Variants in PPP2R2B observed in about 807,000 individuals in gnomAD.
PPP2R2B encodes protein phosphatase 2 regulatory subunit Bbeta, also known as serine/threonine-protein phosphatase 2A 55 kDa regulatory subunit B beta isoform.
Under a neutral mutation model 46.0 loss-of-function variants are expected in PPP2R2B, and 5 were observed. That is an observed-to-expected ratio of 0.11 (90% confidence interval 0.06 to 0.23). PPP2R2B has a LOEUF of 0.23. Among genes scored for constraint, PPP2R2B ranks in the 10% least tolerant of loss-of-function variants. The pLI is 1.00. For synonymous variants in PPP2R2B, 215 were observed against 206.7 expected, an observed-to-expected ratio of 1.04 and a Z score of -0.34; for missense variants, 367 against 575.0, an observed-to-expected ratio of 0.64 and a Z score of 3.70.
chr5:146,773,184 G>C (rs1267388362), intron 2 of PPP2R2B, among the ~76,000 whole-genome samples: 1 of 152,212 alleles, frequency 6.6e-6, no homozygotes, highest in African/African-American at 2.4e-5. Context: ...TTTTAAATCA[G>C]CGTAAGGGAT....
At chr5:147,049,375 G>C (rs960630527) in intron 1 of PPP2R2B, among the ~76,000 whole-genome samples, 2 of 152,022 alleles carry the variant, frequency 1.3e-5, no homozygotes, top group African/African-American at 4.8e-5. Context: ...CACAAACAGG[G>C]CTTTTTTTTT....
At chr5:146,724,613 A>T (rs915288383) in intron 2 of PPP2R2B, among the ~76,000 whole-genome samples, 8 of 152,320 alleles carry the variant, frequency 5.3e-5, no homozygotes, top group African/African-American at 1.7e-4. Flanking sequence ...AGATATATAC[A>T]TGTGCACACA....
intron 4 of PPP2R2B, 41 bp downstream of exon 4, chr5:146,697,938 C>T (rs377653286): frequency 5.1e-5 from 80 of 1,567,972 alleles, no homozygotes; most frequent in African/African-American, 9.6e-5. Context: ...ATAGTTTGGC[C>T]GACTGTATCT....
At chr5:146,855,178 A>AG (rs1760582114) in intron 2 of PPP2R2B, among the ~76,000 whole-genome samples, 1 of 152,190 alleles carries the variant, frequency 6.6e-6, no homozygotes, top group South Asian at 2.1e-4. Flanking sequence ...GAAGGAAAAA[A>AG]AATCGTACAT....
rs189528958 is a variant in PPP2R2B, at chr5:146,961,075, A to G, written c.79+94590T>C. 2.0e-5 allele frequency among the ~76,000 whole-genome samples: 3 copies of G among 152,328 alleles called. No individual in the cohort carries two copies. The East Asian group carries it at 5.8e-4, about 29-fold the overall frequency. On this transcript the variant is annotated intron_variant, in intron 1 of 8. Coordinates refer to the PPP2R2B transcript ENST00000336640. Reference sequence around the variant, plus strand: ...GTTATTACCATTGTTGTTTAAAGAAATATTACCTTAGTTGTATAATTTGCT... The same window carrying G: ...GTTATTACCATTGTTGTTTAAAGAAGTATTACCTTAGTTGTATAATTTGCT...
At chr5:147,046,749 C>T (rs184946456) in intron 1 of PPP2R2B, among the ~76,000 whole-genome samples, 1 of 151,932 alleles carries the variant, frequency 6.6e-6, no homozygotes. Flanking sequence ...ACTATTTTTA[C>T]CTGTAAAATG....
intron 5 of PPP2R2B, among the ~76,000 whole-genome samples, chr5:146,654,200 T>C (rs1250216682): frequency 6.6e-6 from 1 of 152,144 alleles, no homozygotes; most frequent in African/African-American, 2.4e-5. Context: ...CAAGGTGTTA[T>C]CTCCTCCAGC....
chr5:146,625,132 CT>C (rs1773961561), intron 7 of PPP2R2B, among the ~76,000 whole-genome samples: 1 of 152,212 alleles, frequency 6.6e-6, no homozygotes, highest in African/African-American at 2.4e-5. Context: ...ACTTCTCTTT[CT>C]TTTACTTTGC....
chr5:146,871,881 T>A (rs1032616569), intron 2 of PPP2R2B, among the ~76,000 whole-genome samples: 1 of 152,240 alleles, frequency 6.6e-6, no homozygotes, highest in African/African-American at 2.4e-5. Flanking sequence ...TTTCTTATTT[T>A]AAAAATGAGG....
At chr5:146,858,776 T>A (rs1367848764) in intron 2 of PPP2R2B, among the ~76,000 whole-genome samples, 1 of 152,204 alleles carries the variant, frequency 6.6e-6, no homozygotes, top group Non-Finnish European at 1.5e-5. Flanking sequence ...GGCTTCTCTA[T>A]GTCTTTATTA....
chr5:146,912,223 A>G lies in PPP2R2B; in HGVS notation c.79+143442T>C, dbSNP rs1417749258. 1.1e-4 allele frequency among the ~76,000 whole-genome samples: 13 copies of G among 118,570 alleles called. No individual in the cohort carries two copies. The Admixed American group carries it at 1.5e-3, about 13-fold the overall frequency. 77.8% of individuals were successfully genotyped at this position (118,570 alleles called of 152,430 possible). On this transcript the variant is annotated intron_variant, in intron 1 of 8. Coordinates refer to the PPP2R2B transcript ENST00000336640. ...CACTGCACTCCAGCCTGGGTGATAG[A>G]GTGAGGCTCCGTCTCAAAAAAAAAA... is the stretch of plus-strand genomic sequence containing the variant.
At chr5:146,894,884 C>G (rs1029740813) in intron 1 of PPP2R2B, among the ~76,000 whole-genome samples, 2 of 152,302 alleles carry the variant, frequency 1.3e-5, no homozygotes, top group South Asian at 4.2e-4. Context: ...ACATCTTTTT[C>G]TCTCCTGTAA....
chr5:146,596,318 A>G (rs1326096416), intron 8 of PPP2R2B, among the ~76,000 whole-genome samples: 3 of 152,228 alleles, frequency 2.0e-5, no homozygotes, highest in South Asian at 2.1e-4. Context: ...ATGAAAATGT[A>G]TAATAGTAGC....
chr5:146,954,345 A>G (rs776253095), intron 1 of PPP2R2B, among the ~76,000 whole-genome samples: 8 of 152,176 alleles, frequency 5.3e-5, no homozygotes, highest in Non-Finnish European at 1.2e-4. Flanking sequence ...ACCTCCAGAA[A>G]ATGTATGAAT....
chr5:146,879,468 C>A (rs920738414), upstream of PPP2R2B, among the ~76,000 whole-genome samples: 8 of 152,114 alleles, frequency 5.3e-5, no homozygotes, highest in Admixed American at 1.3e-4. Context: ...GCAGCCTCTC[C>A]GTTAGGTTTT....
intron 1 of PPP2R2B, among the ~76,000 whole-genome samples, chr5:146,914,586 C>T (rs534089797): frequency 6.6e-6 from 1 of 152,238 alleles, no homozygotes; most frequent in Admixed American, 6.5e-5. Flanking sequence ...AATCTGGGAA[C>T]CAATTAGGCA....
intron 1 of PPP2R2B, among the ~76,000 whole-genome samples, chr5:147,020,798 T>C (rs1220635670): frequency 6.6e-6 from 1 of 152,154 alleles, no homozygotes; most frequent in Non-Finnish European, 1.5e-5. Flanking sequence ...ATTCTTGAAG[T>C]TCAGGCATTT....
chr5:146,609,898 T>C (rs322481), intron 7 of PPP2R2B, among the ~76,000 whole-genome samples: 17,199 of 136,888 alleles, frequency 0.13, 2,662 homozygotes, highest in African/African-American at 0.28. Flanking sequence ...AACTGCAAGG[T>C]GGCAACGAGG....
chr5:146,733,006 A>G (rs1243036450), intron 2 of PPP2R2B, among the ~76,000 whole-genome samples: 1 of 152,226 alleles, frequency 6.6e-6, no homozygotes, highest in African/African-American at 2.4e-5. Flanking sequence ...ATACACACTC[A>G]CGGCAAAAAT....
Sources: gnomAD v4.1 joint callset for allele counts (sites outside exome capture counted in the v4.1 genomes callset) on GRCh38, gnomAD v4.1.1 for gene constraint, MANE v1.5 for transcripts, NCBI Gene and HGNC (gene_info 2026-07-23, HGNC 2026-07-21) for gene names.